SH3D21: variants seen among roughly 807,000 people sequenced by gnomAD.
SH3D21 encodes the protein manchette microtubule inner protein 1.
In SH3D21, 83 loss-of-function variants were observed where a neutral mutation model predicts 82.1. The ratio of observed to expected loss-of-function variants is 1.01; its 90% CI spans 0.85 to 1.21. The LOEUF (loss-of-function observed/expected upper bound fraction) is 1.21. Ranked by LOEUF, SH3D21 falls within the 50% of genes most tolerant of loss-of-function variation. The pLI, the probability that SH3D21 is intolerant of heterozygous loss-of-function variation, is 0.00. For synonymous variants in SH3D21, 383 were observed against 387.8 expected (o/e 0.99, Z 0.15); for missense variants, 980 against 962.1 (o/e 1.02, Z -0.25).
downstream of SH3D21, chr1:36,327,841 TGTCC>T (rs1314146475): frequency 1.6e-6 from 2 of 1,289,214 alleles, no homozygotes; most frequent in Non-Finnish European, 1.0e-6. Context: ...CCAATGTGGC[TGTCC>T]CCATGGTCCA....
chr1:36,328,241 T>C (rs1401782352), downstream of SH3D21: 4 of 420,392 alleles, frequency 9.5e-6, no homozygotes, highest in Admixed American at 2.5e-5. Flanking sequence ...AGTGCTGGCA[T>C]ATTCAGGACC....
downstream of SH3D21, chr1:36,321,818 GCT>G (rs972765645): frequency 2.0e-6 from 2 of 1,011,818 alleles, no homozygotes; most frequent in Non-Finnish European, 1.2e-6. This position sits in a 1 kb window ranked among gnomAD's most constrained non-coding sequence, Gnocchi z 6.1. Context: ...GCGCGCGCTT[GCT>G]CTGTGTGTGA....
At position 36,320,631 on chromosome 1, in the gene SH3D21, AAC is replaced by A; in HGVS notation, c.1971_1972del (p.Arg658SerfsTer28). The A allele has an allele frequency of 6.2e-7, 1 of 1,614,242 alleles. No homozygotes were observed. Among genetic ancestry groups the A allele is most frequent in the Non-Finnish European group, 8.5e-7 (1 of 1,180,036 alleles). On this transcript the variant is annotated frameshift_variant, in exon 14 of 16. Transcript: ENST00000453908. LOFTEE classifies it high-confidence loss of function. ...PPIERAFAQK[T>X]RPIKPPPDSQ... ...CCATAGAAAGAGCCTTTGCCCAAAA[AAC>A]ACGTCCTATCAAGCCGCCTCCAGAC...
downstream of SH3D21, chr1:36,322,453 T>C (rs532076353): frequency 6.2e-7 from 1 of 1,604,794 alleles, no homozygotes; most frequent in Non-Finnish European, 8.5e-7. Context: ...TCCGCCGACG[T>C]GAAGACGTTG....
chr1:36,308,339 G>A (rs1646172660), intron 8 of SH3D21, 50 bp from the exon 9 acceptor site: 2 of 1,526,910 alleles, frequency 1.3e-6, no homozygotes, highest in Admixed American at 2.0e-5. Context: ...ACCCCGGAAA[G>A]GACCTTGGGG....
Position 36,308,219 on chromosome 1 carries a change from G to A in SH3D21, c.639+10G>A, listed in dbSNP as rs1343463594. The stretch of plus-strand genomic sequence containing the variant: ...AAAAGTACTCAGCAAGGTGTGAGAC[G>A]AACAGGGTGGGGGGGCCCAGGGAAG... On this transcript the variant is annotated intron_variant, in intron 8 of 15. Coordinates refer to ENST00000453908, the MANE Select transcript of SH3D21 (RefSeq NM_001162530.2). 12 of 1,524,728 alleles carry A rather than the reference G, an allele frequency of 7.9e-6. 1 individual carries two copies. The South Asian group carries it at 1.5e-4, about 19-fold the overall frequency. 94.4% of individuals were successfully genotyped at this position (1,524,728 alleles called of 1,614,324 possible).
chr1:36,312,846 G>T (rs1016663521), intron 10 of SH3D21, among the ~76,000 whole-genome samples: 2 of 152,152 alleles, frequency 1.3e-5, no homozygotes, highest in Admixed American at 1.3e-4. Context: ...AAGTAGCTGG[G>T]ACTACAGGTG....
downstream of SH3D21, chr1:36,327,877 C>G: frequency 4.7e-6 from 6 of 1,290,058 alleles, no homozygotes; most frequent in South Asian, 7.4e-5. Flanking sequence ...CACCCCCTGC[C>G]TAGCTGCTTG....
downstream of SH3D21, chr1:36,329,336 A>G (rs1260032327): frequency 6.6e-6 from 1 of 152,244 alleles, no homozygotes; most frequent in Non-Finnish European, 1.5e-5. Context: ...TCTGAACACA[A>G]TGAAGTGCAC....
At chr1:36,322,861 G>C (rs976193588), downstream of SH3D21, 52 of 1,519,416 alleles carry the variant, frequency 3.4e-5, no homozygotes, top group Admixed American at 9.2e-4. Context: ...ACCGCCAGCG[G>C]GCAAGAGGGC....
At chr1:36,312,322 C>T (rs1016538185) in intron 10 of SH3D21, among the ~76,000 whole-genome samples, 1 of 152,192 alleles carries the variant, frequency 6.6e-6, no homozygotes, top group Non-Finnish European at 1.5e-5. Context: ...CGCACACGGC[C>T]ATAAGACCAT....
At chr1:36,309,985 C>T (rs1646205848) in intron 10 of SH3D21, among the ~76,000 whole-genome samples, 1 of 152,056 alleles carries the variant, frequency 6.6e-6, no homozygotes, top group Admixed American at 6.5e-5. Flanking sequence ...GACGGAGTCT[C>T]ACTCTGTCGC....
chr1:36,322,320 G>A (rs1366579811), downstream of SH3D21: 2 of 1,557,432 alleles, frequency 1.3e-6, no homozygotes, highest in Admixed American at 1.9e-5. Context: ...GCGGCCCAGG[G>A]TGCCCGTGGC....
At chr1:36,322,918 G>T, downstream of SH3D21, 1 of 1,591,742 alleles carries the variant, frequency 6.3e-7, no homozygotes, top group Non-Finnish European at 8.6e-7. Context: ...GAGGGAAGGG[G>T]ATGGTGGTCA....
At chr1:36,309,674 C>A in intron 10 of SH3D21, 84 bp downstream of exon 10, 1 of 1,470,718 alleles carries the variant, frequency 6.8e-7, no homozygotes, top group Non-Finnish European at 9.3e-7. Context: ...CACAGCACCC[C>A]AGTGGTCCAG....
rs1646418296 is a variant in SH3D21 at position 36,320,000 on chromosome 1, C to T, written c.1337C>T (p.Thr446Ile). Residue 446 changes from threonine (T) to isoleucine (I), a missense_variant, in exon 14 of 16, where the codon ACT (threonine) becomes ATT (isoleucine). Physicochemically the swap from Thr to Ile is moderately conservative, Grantham distance 89 (BLOSUM62 -1). Transcript: ENST00000453908. ...ACCCTGACTGTGGACAAACCCTCCA[C>T]TCCAGAGAGGGTCTTTTCAGTGGAA... is the stretch of plus-strand genomic sequence containing the variant. ...EETLTVDKPS[T>I]PERVFSVEES... The T allele has an allele frequency of 2.5e-6, 4 of 1,614,058 alleles. No individual in the cohort carries two copies. The South Asian group carries it at 3.3e-5, about 13-fold the overall frequency.
downstream of SH3D21, chr1:36,321,418 C>T: frequency 7.9e-7 from 1 of 1,271,088 alleles, no homozygotes; most frequent in Non-Finnish European, 1.0e-6. This position sits in a 1 kb window ranked among gnomAD's most constrained non-coding sequence, Gnocchi z 6.1. Flanking sequence ...CCTTCGGACT[C>T]CAGCCGCGCA....
intron 9 of SH3D21, among the ~76,000 whole-genome samples, chr1:36,308,888 T>C (rs988701932): frequency 6.6e-6 from 1 of 151,122 alleles, no homozygotes; most frequent in Admixed American, 6.6e-5. Flanking sequence ...GAGGCGGAGG[T>C]TGCAGTGAGC....
chr1:36,329,148 T>G (rs1047349621), downstream of SH3D21: 5 of 152,268 alleles, frequency 3.3e-5, no homozygotes, highest in Non-Finnish European at 7.3e-5. Flanking sequence ...TATGCCAGCC[T>G]TTACATCTAA....
Sources: allele counts gnomAD v4.1 joint callset (sites outside exome capture counted in the v4.1 genomes callset), GRCh38; gene constraint gnomAD v4.1.1; non-coding constraint Gnocchi (gnomAD v3.1); transcripts MANE v1.5; gene names NCBI Gene and HGNC (gene_info 2026-07-23, HGNC 2026-07-21).